The following SLC24A2 variants were observed in gnomAD, a reference collection of about 807,000 sequenced individuals.
The protein encoded by SLC24A2 is solute carrier family 24 member 2, also known as sodium/potassium/calcium exchanger 2.
Under a neutral mutation model 62.0 loss-of-function variants are expected in SLC24A2, and 36 were observed. The ratio of observed to expected loss-of-function variants is 0.58; its 90% confidence interval spans 0.44 to 0.77. The LOEUF is 0.77. Ranked by LOEUF, SLC24A2 falls within the 30% of genes least tolerant of loss-of-function variation. SLC24A2 has a pLI of 0.00. For synonymous variants in SLC24A2, 358 were observed against 294.0 expected (o/e 1.22, Z -2.23); for missense variants, 846 against 817.9 (o/e 1.03, Z -0.42).
chr9:20,019,309 A>AAGAAAGAAAGAG, the SLC24A2 span, among the ~76,000 whole-genome samples: 1 of 145,144 alleles, frequency 6.9e-6, no homozygotes, highest in East Asian at 2.0e-4. Context: ...GAAAGAAAGA[A>AAGAAAGAAAGAG]AGAAAGTGAG....
At chr9:19,617,759 T>C (rs1377161929) in intron 4 of SLC24A2, among the ~76,000 whole-genome samples, 2 of 152,226 alleles carry the variant, frequency 1.3e-5, no homozygotes, top group African/African-American at 4.8e-5. Flanking sequence ...TGTGCAAGGA[T>C]TTCACAATTT....
chr9:19,607,925 T>C (rs1397601155), intron 4 of SLC24A2, among the ~76,000 whole-genome samples: 1 of 152,134 alleles, frequency 6.6e-6, no homozygotes, highest in African/African-American at 2.4e-5. Context: ...GAGATTCAGT[T>C]TCAACCATGT....
chr9:19,759,973 G>A (rs1464275347), intron 2 of SLC24A2, among the ~76,000 whole-genome samples: 5 of 152,142 alleles, frequency 3.3e-5, no homozygotes, highest in African/African-American at 1.2e-4. Flanking sequence ...AAGCAGTACA[G>A]ATTTTGGTAA....
chr9:19,550,765 A>G lies in SLC24A2; in HGVS notation c.1348-497T>C, dbSNP rs1443723850. Among the ~76,000 whole-genome samples the G allele has an allele frequency of 4.6e-5, 7 of 151,998 alleles. No individual in the cohort carries two copies. The East Asian group carries it at 1.2e-3, about 25-fold the overall frequency. On this transcript the variant is annotated intron_variant, in intron 7 of 10. Transcript: ENST00000341998. The stretch of plus-strand genomic sequence containing the variant: ...GCAAATGAAAGTAACCACAGAAACA[A>G]TTCAGTAATACTACTAAGAGAGATT...
At chr9:20,004,557 G>C in the SLC24A2 span, among the ~76,000 whole-genome samples, 9 of 152,068 alleles carry the variant, frequency 5.9e-5, no homozygotes, top group African/African-American at 2.2e-4. Context: ...TTGTTTTATT[G>C]AACAATGGGA....
At chr9:20,006,487 CA>C in the SLC24A2 span, among the ~76,000 whole-genome samples, 1 of 151,498 alleles carries the variant, frequency 6.6e-6, no homozygotes, top group South Asian at 2.1e-4. Context: ...GTTTGTAACA[CA>C]AAAAAGGATA....
At chr9:19,566,576 T>C (rs1428159866) in intron 7 of SLC24A2, among the ~76,000 whole-genome samples, 6 of 152,082 alleles carry the variant, frequency 3.9e-5, no homozygotes, top group African/African-American at 1.4e-4. Flanking sequence ...GATCTAGAAC[T>C]AGAAATACCA....
the SLC24A2 span, among the ~76,000 whole-genome samples, chr9:20,055,478 A>T: frequency 6.6e-6 from 1 of 152,164 alleles, no homozygotes; most frequent in South Asian, 2.1e-4. Context: ...TAAATTTCAT[A>T]ACAACTCTTC....
At chr9:19,700,736 T>C (rs1329734348) in intron 2 of SLC24A2, among the ~76,000 whole-genome samples, 1 of 152,214 alleles carries the variant, frequency 6.6e-6, no homozygotes, top group African/African-American at 2.4e-5. Flanking sequence ...ACCTGTGACA[T>C]TCTGTAAATG....
chr9:19,675,721 C>G (rs1437467440), intron 2 of SLC24A2, among the ~76,000 whole-genome samples: 2 of 152,092 alleles, frequency 1.3e-5, no homozygotes, highest in African/African-American at 4.8e-5. Context: ...ACAAAAGCAC[C>G]AAGTTTATTT....
intron 2 of SLC24A2, among the ~76,000 whole-genome samples, chr9:19,767,675 T>G (rs1045376428): frequency 6.6e-6 from 1 of 152,084 alleles, no homozygotes; most frequent in Non-Finnish European, 1.5e-5. Flanking sequence ...GGTACCTCAG[T>G]TGGAAATACA....
intron 2 of SLC24A2, among the ~76,000 whole-genome samples, chr9:19,724,811 C>A (rs1821123406): frequency 6.6e-6 from 1 of 152,120 alleles, no homozygotes; most frequent in African/African-American, 2.4e-5. Flanking sequence ...GAAATTCAAA[C>A]CTCTTTGAAA....
At chr9:19,781,382 G>A (rs1232995393) in intron 2 of SLC24A2, among the ~76,000 whole-genome samples, 1 of 125,242 alleles carries the variant, frequency 8.0e-6, no homozygotes, top group East Asian at 2.2e-4. Context: ...AGTAGGGGAA[G>A]GTGGAAGGGA....
chr9:20,192,666 A>C, the SLC24A2 span, among the ~76,000 whole-genome samples: 4 of 152,124 alleles, frequency 2.6e-5, no homozygotes, highest in South Asian at 2.1e-4. Flanking sequence ...TTATTATAGA[A>C]TCAGTTGGGA....
the SLC24A2 span, among the ~76,000 whole-genome samples, chr9:20,187,400 C>G: frequency 7.7e-4 from 117 of 152,204 alleles, no homozygotes; most frequent in African/African-American, 2.8e-3. Context: ...TTTCCTGACC[C>G]CCCGTTGCTT....
the SLC24A2 span, among the ~76,000 whole-genome samples, chr9:20,275,054 G>C: frequency 6.6e-6 from 1 of 151,696 alleles, no homozygotes; most frequent in Admixed American, 6.6e-5. Context: ...TGGCCAGGGA[G>C]CTAAGATGAT....
chr9:20,041,124 GAGAA>G, the SLC24A2 span, among the ~76,000 whole-genome samples: 24 of 152,364 alleles, frequency 1.6e-4, no homozygotes, highest in Non-Finnish European at 2.5e-4. Context: ...AATGAGGAGA[GAGAA>G]AGAGAGAGAG....
chr9:20,239,319 T>C, the SLC24A2 span, among the ~76,000 whole-genome samples: 1 of 152,272 alleles, frequency 6.6e-6, no homozygotes, highest in South Asian at 2.1e-4. Flanking sequence ...AAATTTTATT[T>C]GCTATTTATC....
the SLC24A2 span, among the ~76,000 whole-genome samples, chr9:20,127,256 C>G: frequency 6.6e-6 from 1 of 152,074 alleles, no homozygotes; most frequent in African/African-American, 2.4e-5. Context: ...CCCAGAATCC[C>G]CAGCAAACAT....
Sources: allele counts gnomAD v4.1 joint callset (sites outside exome capture counted in the v4.1 genomes callset), GRCh38; gene constraint gnomAD v4.1.1; transcripts MANE v1.5; gene names NCBI Gene and HGNC (gene_info 2026-07-23, HGNC 2026-07-21).